The following PCDHGA1 variants were observed in gnomAD, a reference collection of about 807,000 sequenced individuals.
PCDHGA1 encodes the protein protocadherin gamma subfamily A, 1, also known as protocadherin gamma-A1.
In PCDHGA1, 32 loss-of-function variants were observed where a neutral mutation model predicts 58.0. That is an observed-to-expected ratio of 0.55 (90% CI 0.42 to 0.74). The LOEUF (loss-of-function observed/expected upper bound fraction) is 0.74. Ranked by LOEUF, PCDHGA1 falls within the 30% of genes least tolerant of loss-of-function variation. The pLI is 0.00. For synonymous variants in PCDHGA1, 498 were observed against 501.1 expected (o/e 0.99, Z 0.08); for missense variants, 1,205 against 1,182.3 (o/e 1.02, Z -0.28).
chr5:141,438,635 TACACACACACACACAC>T (rs56854727), intron 1 of PCDHGA1, among the ~76,000 whole-genome samples: 7 of 33,414 alleles, frequency 2.1e-4, no homozygotes, highest in Non-Finnish European at 3.7e-4. Flanking sequence ...TATATATATA[TACACACACACACACAC>T]ATATATGTAT....
intron 1 of PCDHGA1, chr5:141,346,462 GT>G: frequency 6.2e-7 from 1 of 1,613,952 alleles, no homozygotes; most frequent in Non-Finnish European, 8.5e-7. Context: ...CTTCAGGTGA[GT>G]TTATTTATTT....
chr5:141,488,807 C>G (rs2099679535), intron 1 of PCDHGA1, among the ~76,000 whole-genome samples: 1 of 152,170 alleles, frequency 6.6e-6, no homozygotes, highest in Non-Finnish European at 1.5e-5. Flanking sequence ...TGAGTACCAT[C>G]TGAGCTGTCA....
chr5:141,360,891 G>A (rs1293108757), intron 1 of PCDHGA1: 11 of 1,613,912 alleles, frequency 6.8e-6, no homozygotes, highest in Non-Finnish European at 6.8e-6. Flanking sequence ...TCACCCTGAG[G>A]GAGGACGTGC....
At chr5:141,451,610 G>T (rs184745360) in intron 1 of PCDHGA1, among the ~76,000 whole-genome samples, 60 of 152,298 alleles carry the variant, frequency 3.9e-4, no homozygotes, top group African/African-American at 1.3e-3. Context: ...GGCTAGGCAT[G>T]GTGGCTCAAA....
chr5:141,426,718 C>G, intron 1 of PCDHGA1: 1 of 446,166 alleles, frequency 2.2e-6, no homozygotes, highest in Non-Finnish European at 4.6e-6. Flanking sequence ...AATGAACTAG[C>G]AATTCCAGGC....
chr5:141,381,768 C>T (rs1777418616), intron 1 of PCDHGA1, among the ~76,000 whole-genome samples: 1 of 150,172 alleles, frequency 6.7e-6, no homozygotes, highest in Non-Finnish European at 1.5e-5. Context: ...ACTATATAAT[C>T]AATAATCAGG....
chr5:141,371,233 C>T lies in PCDHGA1; in HGVS notation c.2421+38128C>T, dbSNP rs773899616. 4 of 1,613,864 alleles carry T rather than the reference C, an allele frequency of 2.5e-6. No individual in the cohort carries two copies. The Admixed American group carries it at 5.0e-5, about 20-fold the overall frequency. ...GGCATCAATGCCGAAATCATCTATG[C>T]CTTCATCAATATTGGCAAGGAAGTG... On this transcript the variant is annotated intron_variant, in intron 1 of 3. Transcript: ENST00000517417.
chr5:141,431,916 T>C lies in PCDHGA1; in HGVS notation c.2422-62891T>C, dbSNP rs2097428336. 1 of 1,614,056 alleles carries C rather than the reference T, an allele frequency of 6.2e-7. No homozygotes were observed. Among genetic ancestry groups the C allele is most frequent in the Middle Eastern group, 1.6e-4 (1 of 6,062 alleles). ...GAAAACGGACAGGTGATCTGTTTCA[T>C]CCAAGGAAATCTGCCCTTTAAATTA... On this transcript the variant is annotated intron_variant, in intron 1 of 3. Transcript: ENST00000517417. The surrounding 1 kb of genome is among the most constrained non-coding windows in gnomAD (Gnocchi z 4.8).
intron 1 of PCDHGA1, chr5:141,356,746 G>A (rs1312921384): frequency 1.2e-5 from 19 of 1,613,970 alleles, no homozygotes; most frequent in Admixed American, 1.7e-5. Context: ...GATCCTATAT[G>A]CTCTTTGCTC....
chr5:141,410,617 T>A, intron 1 of PCDHGA1: 2 of 1,603,978 alleles, frequency 1.2e-6, no homozygotes, highest in Non-Finnish European at 1.7e-6. Flanking sequence ...AGACTCTGAC[T>A]TCGGTGAGTT....
chr5:141,371,799 GCCT>G, intron 1 of PCDHGA1: 21 of 1,613,926 alleles, frequency 1.3e-5, no homozygotes, highest in Non-Finnish European at 1.7e-5. Context: ...TCCGCCTGGA[GCCT>G]CCATTGCGCA....
intron 1 of PCDHGA1, chr5:141,399,021 C>T (rs2093739749): frequency 1.2e-6 from 2 of 1,613,862 alleles, no homozygotes; most frequent in Non-Finnish European, 1.7e-6. Context: ...GAGAAATTAC[C>T]ACTCAAAAGA....
chr5:141,439,172 G>A (rs1181712838), intron 1 of PCDHGA1, among the ~76,000 whole-genome samples: 1 of 147,496 alleles, frequency 6.8e-6, no homozygotes, highest in Admixed American at 6.8e-5. Context: ...CAGCCTGGGC[G>A]ACATAGTGAG....
chr5:141,489,692 G>A lies in PCDHGA1; in HGVS notation c.2422-5115G>A. 1.9e-6 allele frequency: 3 copies of A among 1,614,128 alleles called. No individual in the cohort carries two copies. The highest frequency in any genetic ancestry group is 1.7e-6 in the Non-Finnish European group (2 of 1,179,980). On this transcript the variant is annotated intron_variant, in intron 1 of 3. Coordinates refer to ENST00000517417, the MANE Select transcript of PCDHGA1 (RefSeq NM_018912.3). The surrounding 1 kb of genome is among the most constrained non-coding windows in gnomAD (Gnocchi z 4.5). The stretch of plus-strand genomic sequence containing the variant: ...TCAGAATCAGCAGCATCTGGGGCAC[G>A]ATTCCCACTGGACAGTGCCCAGGAT...
intron 1 of PCDHGA1, among the ~76,000 whole-genome samples, chr5:141,471,999 T>C (rs577046645): frequency 3.9e-5 from 6 of 152,230 alleles, no homozygotes; most frequent in Admixed American, 2.0e-4. Flanking sequence ...AATCCCTGCA[T>C]CGTATAGGGG....
intron 1 of PCDHGA1, chr5:141,433,284 C>T: frequency 8.5e-7 from 1 of 1,176,236 alleles, no homozygotes; most frequent in Non-Finnish European, 1.2e-6. Flanking sequence ...GCCTCAAACT[C>T]CTAGGCTCAA....
intron 1 of PCDHGA1, chr5:141,394,860 G>T: frequency 1.2e-6 from 2 of 1,613,792 alleles, no homozygotes; most frequent in Non-Finnish European, 1.7e-6. Context: ...GCCTTCGGTC[G>T]ACCCGAACGA....
chr5:141,349,516 C>T (rs1758309028), intron 1 of PCDHGA1, among the ~76,000 whole-genome samples: 1 of 152,122 alleles, frequency 6.6e-6, no homozygotes, highest in African/African-American at 2.4e-5. Context: ...TCCTACTTAA[C>T]TGGAAAGATT....
chr5:141,460,961 ATGTGTGTG>A (rs35821115), intron 1 of PCDHGA1, among the ~76,000 whole-genome samples: 11 of 144,552 alleles, frequency 7.6e-5, no homozygotes, highest in South Asian at 2.2e-4. Context: ...GTATATATAT[ATGTGTGTG>A]TGTGTGTGTG....
Sources: allele counts gnomAD v4.1 joint callset (sites outside exome capture counted in the v4.1 genomes callset), GRCh38; gene constraint gnomAD v4.1.1; non-coding constraint Gnocchi (gnomAD v3.1); transcripts MANE v1.5; gene names NCBI Gene and HGNC (gene_info 2026-07-23, HGNC 2026-07-21).